ROBO2: variants seen among roughly 807,000 people sequenced by gnomAD.
ROBO2 encodes roundabout guidance receptor 2.
Under a neutral mutation model 160.8 loss-of-function variants are expected in ROBO2, and 53 were observed. The observed-to-expected ratio is 0.33, with a 90% CI of 0.26 to 0.41. ROBO2 has a LOEUF of 0.41. Among genes scored for constraint, ROBO2 ranks in the 10% least tolerant of loss-of-function variants. The pLI, the probability that ROBO2 is intolerant of heterozygous loss-of-function variation, is 1.00. For synonymous variants in ROBO2, 664 were observed against 611.7 expected, an observed-to-expected ratio of 1.09 and a Z score of -1.26; for missense variants, 1,577 against 1,722.4, an observed-to-expected ratio of 0.92 and a Z score of 1.49.
At chr3:76,151,268 A>ATGAGCATTATCTCTCTC (rs2072186958) in intron 2 of ROBO2, among the ~76,000 whole-genome samples, 1 of 151,974 alleles carries the variant, frequency 6.6e-6, no homozygotes, top group Non-Finnish European at 1.5e-5. Flanking sequence ...TCATATGGAA[A>ATGAGCATTATCTCTCTC]TCTTTATCTC....
intron 2 of ROBO2, among the ~76,000 whole-genome samples, chr3:76,573,975 T>C (rs1048012733): frequency 2.0e-5 from 3 of 152,152 alleles, no homozygotes; most frequent in Non-Finnish European, 4.4e-5. Context: ...TGCGTTCCCA[T>C]AGCATTTTCT....
intron 23 of ROBO2, among the ~76,000 whole-genome samples, chr3:77,626,897 C>T (rs948803853): frequency 6.6e-6 from 1 of 152,168 alleles, no homozygotes; most frequent in African/African-American, 2.4e-5. Context: ...ACTCCCACAA[C>T]AGATCAGTAT....
intron 1 of ROBO2, among the ~76,000 whole-genome samples, chr3:77,076,509 AT>A (rs61597387): frequency 0.3 from 44,784 of 151,748 alleles, 7,272 homozygotes; most frequent in East Asian, 0.66. Flanking sequence ...AGGAAAATAA[AT>A]TTTTTTTCTG....
intron 2 of ROBO2, among the ~76,000 whole-genome samples, chr3:76,956,122 A>C (rs2079237894): frequency 6.6e-6 from 1 of 152,212 alleles, no homozygotes; most frequent in South Asian, 2.1e-4. Flanking sequence ...TGAAAATCGC[A>C]GAAATTTTAT....
At chr3:77,526,254 G>A (rs1049726375) in intron 6 of ROBO2, among the ~76,000 whole-genome samples, 2 of 151,440 alleles carry the variant, frequency 1.3e-5, no homozygotes, top group African/African-American at 2.4e-5. Flanking sequence ...GAGATGGATT[G>A]CACAAAGCTA....
intron 2 of ROBO2, among the ~76,000 whole-genome samples, chr3:76,242,674 C>T (rs1705364747): frequency 6.6e-6 from 1 of 151,972 alleles, no homozygotes; most frequent in African/African-American, 2.4e-5. Flanking sequence ...TTGCTTGAGC[C>T]CTGGAATCGG....
At chr3:76,002,124 C>G (rs560140755) in intron 2 of ROBO2, among the ~76,000 whole-genome samples, 6 of 152,246 alleles carry the variant, frequency 3.9e-5, no homozygotes, top group Admixed American at 3.9e-4. Flanking sequence ...ATTCCAGTAG[C>G]TGTGAATGTG....
At chr3:76,331,465 G>A (rs553674751) in intron 2 of ROBO2, among the ~76,000 whole-genome samples, 18 of 150,794 alleles carry the variant, frequency 1.2e-4, no homozygotes, top group Admixed American at 9.9e-4. Flanking sequence ...ATCTTCATTC[G>A]TTTCATTTTC....
At chr3:77,135,922 T>A (rs1372330920) in intron 2 of ROBO2, among the ~76,000 whole-genome samples, 1 of 152,212 alleles carries the variant, frequency 6.6e-6, no homozygotes, top group Non-Finnish European at 1.5e-5. Context: ...AATTATTCAA[T>A]TGCTTAAAGT....
At chr3:76,955,170 A>C (rs931646067) in intron 2 of ROBO2, among the ~76,000 whole-genome samples, 3 of 152,222 alleles carry the variant, frequency 2.0e-5, no homozygotes, top group Non-Finnish European at 4.4e-5. Flanking sequence ...AATGTTTTCA[A>C]GATTTATTCA....
At chr3:76,753,809 C>CAA (rs1181396692) in intron 2 of ROBO2, among the ~76,000 whole-genome samples, 2 of 151,820 alleles carry the variant, frequency 1.3e-5, no homozygotes, top group African/African-American at 4.8e-5. Context: ...GCATTACAGG[C>CAA]AAAGTAATTT....
intron 2 of ROBO2, among the ~76,000 whole-genome samples, chr3:76,013,283 G>T (rs1207912028): frequency 6.6e-6 from 1 of 151,656 alleles, no homozygotes; most frequent in Non-Finnish European, 1.5e-5. Context: ...GCTGGGCACG[G>T]TGGCTTATGC....
intron 2 of ROBO2, among the ~76,000 whole-genome samples, chr3:77,420,093 T>TA (rs936618220): frequency 3.3e-5 from 5 of 151,194 alleles, no homozygotes; most frequent in Admixed American, 6.6e-5. Flanking sequence ...CCCCCAACAT[T>TA]AAAAAAAAAT....
chr3:76,210,704 A>G (rs1267434972), intron 2 of ROBO2, among the ~76,000 whole-genome samples: 1 of 152,116 alleles, frequency 6.6e-6, no homozygotes, highest in Non-Finnish European at 1.5e-5. Flanking sequence ...CTTTATTTTC[A>G]GTAGGCTGTG....
At chr3:76,141,287 A>G (rs1358615667) in intron 2 of ROBO2, among the ~76,000 whole-genome samples, 2 of 147,254 alleles carry the variant, frequency 1.4e-5, no homozygotes, top group African/African-American at 5.0e-5. Context: ...GCCAATTTGA[A>G]TCTTAAAAAA....
intron 2 of ROBO2, among the ~76,000 whole-genome samples, chr3:75,969,369 A>G (rs1418041069): frequency 1.3e-5 from 2 of 150,094 alleles, no homozygotes; most frequent in African/African-American, 4.9e-5. Flanking sequence ...CTATACTGCA[A>G]TAAACACGGG....
intron 2 of ROBO2, among the ~76,000 whole-genome samples, chr3:77,350,087 A>G (rs7649591): frequency 0.34 from 51,463 of 150,422 alleles, 9,207 homozygotes; most frequent in Non-Finnish European, 0.38. Flanking sequence ...ATATATGTAC[A>G]CACACACATT....
intron 2 of ROBO2, among the ~76,000 whole-genome samples, chr3:76,304,124 G>A (rs2071208689): frequency 1.3e-5 from 2 of 152,124 alleles, no homozygotes; most frequent in African/African-American, 4.8e-5. Context: ...TGGTACTTAT[G>A]TAACTGTACA....
chr3:76,688,602 GGTGTGT>G (rs111250460), intron 2 of ROBO2, among the ~76,000 whole-genome samples: 20 of 148,658 alleles, frequency 1.3e-4, no homozygotes, highest in African/African-American at 4.7e-4. Flanking sequence ...AAATTTTAGT[GGTGTGT>G]GTGTGTGTGT....
Sources: gnomAD v4.1 joint callset for allele counts (sites outside exome capture counted in the v4.1 genomes callset) on GRCh38, gnomAD v4.1.1 for gene constraint, MANE v1.5 for transcripts, NCBI Gene and HGNC (gene_info 2026-07-23, HGNC 2026-07-21) for gene names.